SLC13A3: variants seen among roughly 807,000 people sequenced by gnomAD.
The protein encoded by SLC13A3 is Na(+)/dicarboxylate cotransporter 3.
In SLC13A3, 40 loss-of-function variants were observed where a neutral mutation model predicts 59.0. That is an observed-to-expected ratio of 0.68 (90% CI 0.53 to 0.88). The LOEUF is 0.88. Among genes scored for constraint, SLC13A3 ranks in the 40% least tolerant of loss-of-function variants. SLC13A3 has a pLI of 0.00. For synonymous variants in SLC13A3, 317 were observed against 330.3 expected, an observed-to-expected ratio of 0.96 and a Z score of 0.44; for missense variants, 699 against 783.2, an observed-to-expected ratio of 0.89 and a Z score of 1.28.
chr20:46,632,532 A>G (rs2077073), intron 1 of SLC13A3, among the ~76,000 whole-genome samples: 116,241 of 151,466 alleles, frequency 0.77, 45,250 homozygotes, highest in East Asian at 0.93. Flanking sequence ...CCTGGGGGTT[A>G]TAATCCGGAC....
Position 46,592,508 on chromosome 20 carries a change from C to T in SLC13A3, c.816G>A (p.Val272=). ...AAATGAACCAGGAGCCGAAATTCAC[C>T]ACGTCACACTGCGGAAAGAAACTGG... ...QLKSFFPQCD[V]VNFGSWFIFA... is the part of the protein sequence containing the mutation. Residue 272 remains valine (V), a synonymous_variant, in exon 6 of 13, where the codon GTG becomes GTA. Transcript: ENST00000279027. 6.2e-7 allele frequency: 1 copy of T among 1,613,736 alleles called. No individual in the cohort carries two copies.
chr20:46,583,823 G>A (rs540109844), intron 8 of SLC13A3, 154 bp from the exon 9 acceptor site: 36 of 985,404 alleles, frequency 3.7e-5, no homozygotes, highest in Middle Eastern at 5.2e-4. Flanking sequence ...CCTTCAGTGC[G>A]CTCAGCATGG....
At chr20:46,655,873 A>T (rs1292472907), upstream of SLC13A3, among the ~76,000 whole-genome samples, 2 of 143,374 alleles carry the variant, frequency 1.4e-5, no homozygotes, top group Non-Finnish European at 3.0e-5. Context: ...ACTGTACAGT[A>T]TATATTATAC....
chr20:46,648,664 C>T lies in SLC13A3; in HGVS notation c.111+2647G>A, dbSNP rs115515028. ...TCTTGCCTGTAATCCCAGCACTTTGCGTAGCCGAGGCTGGTGGATCGCTTG... is the reference window on the plus strand; with the variant it reads ...TCTTGCCTGTAATCCCAGCACTTTGTGTAGCCGAGGCTGGTGGATCGCTTG... On this transcript the variant is annotated intron_variant, in intron 1 of 12. Transcript: ENST00000279027. Among the ~76,000 whole-genome samples the T allele has an allele frequency of 9.8e-3, 1,489 of 152,196 alleles. 23 individuals are homozygous for T. The highest frequency in any genetic ancestry group is 0.033 in the African/African-American group (1,352 of 41,540).
intron 8 of SLC13A3, chr20:46,585,050 A>C (rs2062177559): frequency 2.9e-6 from 2 of 700,922 alleles, no homozygotes; most frequent in Non-Finnish European, 3.5e-6. Context: ...TCCAATAAGG[A>C]ATTGGTTAAA....
intron 1 of SLC13A3, 93 bp downstream of exon 1, chr20:46,651,218 A>C (rs1242239617): frequency 1.4e-6 from 2 of 1,391,614 alleles, no homozygotes; most frequent in Non-Finnish European, 1.9e-6. Context: ...GCCTGTCTAC[A>C]CTGGGACCTC....
rs2062484935 is a variant in SLC13A3 at position 46,610,586 on chromosome 20, G to T, written c.401C>A (p.Thr134Asn). ...PARLILGMMV[T>N]TSFLSMWLSN... Reference sequence around the variant, plus strand: ...CAGCCACATGGACAAGAACGAGGTGGTCACCATCATCCCCAGGATGAGCCT... The same window carrying T: ...CAGCCACATGGACAAGAACGAGGTGTTCACCATCATCCCCAGGATGAGCCT... The change falls in exon 3 of 13, where the codon ACC becomes AAC. Residue 134 changes from threonine to asparagine, a missense_variant. By Grantham distance (65) the Thr-to-Asn change is moderately conservative. Transcript: ENST00000279027. The T allele has an allele frequency of 6.2e-7, 1 of 1,613,674 alleles. No homozygotes were observed. The highest frequency in any genetic ancestry group is 8.5e-7 in the Non-Finnish European group (1 of 1,179,884).
chr20:46,616,025 C>A (rs1002587501), intron 1 of SLC13A3, among the ~76,000 whole-genome samples: 2 of 152,164 alleles, frequency 1.3e-5, no homozygotes, highest in African/African-American at 4.8e-5. Context: ...GAATGAATAT[C>A]CCAAGAACCC....
At chr20:46,632,989 T>A (rs888807717) in intron 1 of SLC13A3, among the ~76,000 whole-genome samples, 3 of 151,864 alleles carry the variant, frequency 2.0e-5, no homozygotes, top group Non-Finnish European at 4.4e-5. Flanking sequence ...CTATCATCTA[T>A]CTATCTATCA....
upstream of SLC13A3, among the ~76,000 whole-genome samples, chr20:46,674,788 A>G (rs2063114615): frequency 6.6e-6 from 1 of 152,128 alleles, no homozygotes; most frequent in Non-Finnish European, 1.5e-5. Flanking sequence ...GGTAGAAATT[A>G]GGGCTAGAGC....
rs760766533 is a variant in SLC13A3 at position 46,566,335 on chromosome 20, G to A, written c.1388C>T (p.Pro463Leu). The A allele has an allele frequency of 6.2e-7, 1 of 1,612,740 alleles. No homozygotes were observed. The highest frequency in any genetic ancestry group is 8.5e-7 in the Non-Finnish European group (1 of 1,178,980). The change falls in exon 11 of 13, where the codon CCC (proline) becomes CTC (leucine). Residue 463 changes from proline (P) to leucine (L), a missense_variant. Transcript: ENST00000279027. ...GATGAGCAGCACAGCCAGGGCGGGG[G>A]GCACATTCTCCAGGGGGTGCAGCTG... is the stretch of plus-strand genomic sequence containing the variant. ...GGQLHPLENV[P>L]PALAVLLITV...
intron 3 of SLC13A3, among the ~76,000 whole-genome samples, chr20:46,603,945 C>T (rs10154000): frequency 0.023 from 3,370 of 145,786 alleles, 113 homozygotes; most frequent in African/African-American, 0.081. Context: ...GAACCGTGAT[C>T]ATGCCACTGC....
chr20:46,634,312 T>C (rs1351933805), intron 1 of SLC13A3, among the ~76,000 whole-genome samples: 2 of 152,102 alleles, frequency 1.3e-5, no homozygotes, highest in Non-Finnish European at 2.9e-5. Flanking sequence ...GACTGAGGCA[T>C]GGAGGATTAA....
chr20:46,675,776 G>A (rs966987428), intron 1 of SLC13A3, among the ~76,000 whole-genome samples: 1 of 151,978 alleles, frequency 6.6e-6, no homozygotes, highest in African/African-American at 2.4e-5. Flanking sequence ...TAGAATTCCT[G>A]GGCTGTGTGG....
At chr20:46,622,331 CAT>C (rs2062623653) in intron 1 of SLC13A3, among the ~76,000 whole-genome samples, 1 of 152,056 alleles carries the variant, frequency 6.6e-6, no homozygotes, top group East Asian at 1.9e-4. Context: ...ATGGGATCAA[CAT>C]GTGGTTCTCA....
At chr20:46,560,283 A>C (rs2061919970) in intron 12 of SLC13A3, 85 bp from the exon 13 acceptor site, 1 of 1,353,174 alleles carries the variant, frequency 7.4e-7, no homozygotes, top group Non-Finnish European at 1.0e-6. Context: ...ACAGGAAGTC[A>C]CTCACCCAAG....
chr20:46,641,894 T>G (rs1378540199), intron 1 of SLC13A3, among the ~76,000 whole-genome samples: 2 of 152,118 alleles, frequency 1.3e-5, no homozygotes, highest in Admixed American at 6.5e-5. Flanking sequence ...TTGAGGGATC[T>G]CACATGAATC....
At chr20:46,583,969 T>C (rs1189142162) in intron 8 of SLC13A3, 1 of 985,248 alleles carries the variant, frequency 1.0e-6, no homozygotes, top group African/African-American at 1.7e-5. Flanking sequence ...GGCCGCAGAA[T>C]ATTGGAGTCC....
chr20:46,671,765 G>A (rs934809824), upstream of SLC13A3, among the ~76,000 whole-genome samples: 1 of 152,178 alleles, frequency 6.6e-6, no homozygotes, highest in Non-Finnish European at 1.5e-5. Context: ...CTTGCACCAG[G>A]TGGGTAGATA....
Sources: gnomAD v4.1 joint callset for allele counts (sites outside exome capture counted in the v4.1 genomes callset) on GRCh38, gnomAD v4.1.1 for gene constraint, MANE v1.5 for transcripts, NCBI Gene and HGNC (gene_info 2026-07-23, HGNC 2026-07-21) for gene names.